TMEM248: variants seen among roughly 807,000 people sequenced by gnomAD.
TMEM248 encodes the protein UPF0458 protein C7orf42.
TMEM248 carries 9 observed loss-of-function variants against 30.3 expected under a neutral mutation model. The ratio of observed to expected loss-of-function variants is 0.30; its 90% CI spans 0.18 to 0.52. TMEM248 has a LOEUF of 0.52. Ranked by LOEUF, TMEM248 falls within the 20% of genes least tolerant of loss-of-function variation. The pLI, the probability that TMEM248 is intolerant of heterozygous loss-of-function variation, is 0.97. For synonymous variants in TMEM248, 184 were observed against 154.4 expected (o/e 1.19, Z -1.42); for missense variants, 338 against 403.3 (o/e 0.84, Z 1.39).
At chr7:66,954,232 C>T (rs1304713207) in intron 6 of TMEM248, among the ~76,000 whole-genome samples, 1 of 152,144 alleles carries the variant, frequency 6.6e-6, no homozygotes, top group Non-Finnish European at 1.5e-5. Context: ...GCGTGAGCCA[C>T]TGGGCCCAGC....
At chr7:66,932,901 C>A (rs1337355287) in intron 1 of TMEM248, among the ~76,000 whole-genome samples, 1 of 151,820 alleles carries the variant, frequency 6.6e-6, no homozygotes, top group Non-Finnish European at 1.5e-5. Flanking sequence ...GAGTCTCACT[C>A]CATCACCCAG....
chr7:66,954,384 T>A (rs1294351526), intron 6 of TMEM248, among the ~76,000 whole-genome samples: 7 of 135,510 alleles, frequency 5.2e-5, no homozygotes, highest in African/African-American at 1.9e-4. Context: ...GCTTTTTTAA[T>A]TTTTTTTTTT....
intron 1 of TMEM248, among the ~76,000 whole-genome samples, chr7:66,923,263 A>C (rs184186567): frequency 6.6e-6 from 1 of 151,924 alleles, no homozygotes; most frequent in East Asian, 2.0e-4. Context: ...TTTCTGCCTC[A>C]GCTGCCTGAG....
At chr7:66,945,581 A>T (rs1472880449) in intron 3 of TMEM248, among the ~76,000 whole-genome samples, 1 of 152,110 alleles carries the variant, frequency 6.6e-6, no homozygotes, top group East Asian at 1.9e-4. Context: ...CACATCTTCT[A>T]TTGCTATTAG....
chr7:66,948,709 C>T lies in TMEM248; in HGVS notation c.596+15C>T, dbSNP rs1792182180. On this transcript the variant is annotated intron_variant, in intron 4 of 6. Coordinates refer to ENST00000341567, the MANE Select transcript of TMEM248 (RefSeq NM_017994.5). ...CCCGTCACTGTGTAAGTGTACCCGG[C>T]ACCTGATGAACGTGCGTAACAAGCT... The T allele has an allele frequency of 1.9e-6, 3 of 1,592,320 alleles. No individual in the cohort carries two copies. The highest frequency in any genetic ancestry group is 2.6e-6 in the Non-Finnish European group (3 of 1,162,932).
chr7:66,944,854 A>T, intron 2 of TMEM248, 122 bp from the exon 3 acceptor site: 1 of 1,014,538 alleles, frequency 9.9e-7, no homozygotes, highest in South Asian at 1.5e-5. Context: ...ATCTTAAATG[A>T]TCAGCTCTGA....
At chr7:66,948,048 G>A (rs940744802) in intron 3 of TMEM248, among the ~76,000 whole-genome samples, 9 of 152,170 alleles carry the variant, frequency 5.9e-5, no homozygotes, top group African/African-American at 2.2e-4. Context: ...GTGAACCACT[G>A]TGCCTGGCAA....
intron 1 of TMEM248, among the ~76,000 whole-genome samples, chr7:66,939,969 T>A (rs939671878): frequency 6.6e-6 from 1 of 152,090 alleles, no homozygotes; most frequent in Non-Finnish European, 1.5e-5. Flanking sequence ...TTTTTTTTTT[T>A]AATTGAGACA....
rs1349070408 is a variant in TMEM248 at position 66,921,265 on chromosome 7, G to T, written c.-215G>T. The T allele has an allele frequency of 6.6e-6, 1 of 151,098 alleles. No individual in the cohort carries two copies. The highest frequency in any genetic ancestry group is 1.5e-5 in the Non-Finnish European group (1 of 67,646). 9.4% of individuals were successfully genotyped at this position (151,098 alleles called of 1,614,324 possible). A position where few individuals can be genotyped will look rare whatever the true frequency, so the allele number is the denominator to read the frequency against. On this transcript the variant is annotated 5_prime_UTR_variant, in exon 1 of 7. Transcript: ENST00000341567. ...TTGCCGGAGCCCGAACTGAGGCGGCGGCGGGAGCCCGGTTGGCGTCTGGTC... is the reference window on the plus strand; with the variant it reads ...TTGCCGGAGCCCGAACTGAGGCGGCTGCGGGAGCCCGGTTGGCGTCTGGTC...
intron 1 of TMEM248, among the ~76,000 whole-genome samples, chr7:66,936,725 G>T (rs1791814024): frequency 6.6e-6 from 1 of 152,092 alleles, no homozygotes; most frequent in Admixed American, 6.6e-5. Flanking sequence ...ATTTCTTCTA[G>T]GTTTTCCAGC....
chr7:66,925,694 C>CTT (rs762948450), intron 1 of TMEM248, among the ~76,000 whole-genome samples: 2 of 137,810 alleles, frequency 1.5e-5, no homozygotes, highest in Non-Finnish European at 3.2e-5. Context: ...GTAGTTTTTT[C>CTT]TTTTTTTTTT....
intron 1 of TMEM248, 56 bp from the exon 2 acceptor site, chr7:66,941,792 T>A (rs1359305395): frequency 6.7e-7 from 1 of 1,487,902 alleles, no homozygotes; most frequent in Admixed American, 2.0e-5. Flanking sequence ...AACAAAAGAA[T>A]CATAGCTTTC....
rs1004475514 is a variant in TMEM248 at position 66,957,674 on chromosome 7, G to C, written c.*2152G>C. On this transcript the variant is annotated 3_prime_UTR_variant, in exon 7 of 7. Transcript: ENST00000341567. ...TAGCTGGCAGAGTGGTATCAAAGGA[G>C]AAAAACAGTGAAAAAGCCAATTTCA... The C allele has an allele frequency of 6.6e-6, 1 of 152,178 alleles. No homozygotes were observed. The highest frequency in any genetic ancestry group is 6.5e-5 in the Admixed American group (1 of 15,278). 9.4% of individuals were successfully genotyped at this position (152,178 alleles called of 1,614,324 possible).
chr7:66,944,773 T>C (rs1326373469), intron 2 of TMEM248, among the ~76,000 whole-genome samples: 1 of 152,166 alleles, frequency 6.6e-6, no homozygotes, highest in Non-Finnish European at 1.5e-5. Flanking sequence ...TATTTTAGGT[T>C]GTGAATATAA....
At chr7:66,925,029 A>T (rs1420842191) in intron 1 of TMEM248, among the ~76,000 whole-genome samples, 1 of 152,030 alleles carries the variant, frequency 6.6e-6, no homozygotes, top group African/African-American at 2.4e-5. Context: ...ATTAAAAAAA[A>T]TAATTATTAC....
chr7:66,944,025 C>T (rs1792032160), intron 2 of TMEM248, among the ~76,000 whole-genome samples: 1 of 151,638 alleles, frequency 6.6e-6, no homozygotes, highest in Non-Finnish European at 1.5e-5. Flanking sequence ...GAACTCCTGG[C>T]CTCAAGTGAT....
intron 1 of TMEM248, among the ~76,000 whole-genome samples, chr7:66,939,601 A>C (rs956107703): frequency 6.6e-6 from 1 of 152,232 alleles, no homozygotes; most frequent in African/African-American, 2.4e-5. Flanking sequence ...TGTGCCAGCT[A>C]CTGTTCTAGG....
At chr7:66,944,878 G>T in intron 2 of TMEM248, 98 bp from the exon 3 acceptor site, 1 of 1,288,162 alleles carries the variant, frequency 7.8e-7, no homozygotes, top group Non-Finnish European at 1.1e-6. Context: ...GTAGTTTGCT[G>T]ATGTGCTGCG....
chr7:66,941,611 T>G (rs972055574), intron 1 of TMEM248, among the ~76,000 whole-genome samples: 16 of 150,934 alleles, frequency 1.1e-4, no homozygotes, highest in Non-Finnish European at 1.9e-4. Context: ...ATTTAGAAGA[T>G]TCAAACTGAA....
Sources: gnomAD v4.1 joint callset for allele counts (sites outside exome capture counted in the v4.1 genomes callset) on GRCh38, gnomAD v4.1.1 for gene constraint, MANE v1.5 for transcripts, NCBI Gene and HGNC (gene_info 2026-07-23, HGNC 2026-07-21) for gene names.